FNDC7: variants seen among roughly 807,000 people sequenced by gnomAD.
The protein encoded by FNDC7 is fibronectin type III domain-containing protein 7.
In FNDC7, 66 loss-of-function variants were observed where a neutral mutation model predicts 74.2. That is an observed-to-expected ratio of 0.89 (90% CI 0.73 to 1.09). The LOEUF (loss-of-function observed/expected upper bound fraction) is 1.09, where lower values mean the gene tolerates loss of function less well. Among genes scored for constraint, FNDC7 ranks in the 50% least tolerant of loss-of-function variants. The probability of loss-of-function intolerance (pLI) is 0.00; values close to 1 mark genes in which losing one functional copy is unlikely to be tolerated. For missense variants in FNDC7, 829 were observed against 893.4 expected, an observed-to-expected ratio of 0.93 and a Z score of 0.92; for synonymous variants, 307 against 330.2, an observed-to-expected ratio of 0.93 and a Z score of 0.76.
chr1:108,737,802 C>T (rs988925028), intron 11 of FNDC7, among the ~76,000 whole-genome samples: 10 of 152,162 alleles, frequency 6.6e-5, no homozygotes, highest in African/African-American at 1.9e-4. Flanking sequence ...GCGGCTTCAT[C>T]CCTCACACTT....
intron 10 of FNDC7, among the ~76,000 whole-genome samples, chr1:108,733,785 C>T (rs558569208): frequency 1.2e-3 from 180 of 151,416 alleles, no homozygotes; most frequent in South Asian, 6.7e-3. Flanking sequence ...CAAGTAGCTG[C>T]GATTACAGGC....
chr1:108,714,910 G>A (rs1198396491), intron 2 of FNDC7, among the ~76,000 whole-genome samples: 1 of 152,002 alleles, frequency 6.6e-6, no homozygotes, highest in Non-Finnish European at 1.5e-5. Context: ...TAAATAAGTC[G>A]ACTTTGGGTG....
In FNDC7 at chr1:108,740,486, C is replaced by T. The variant is rs150794830; in HGVS notation, c.2171-1287C>T. On this transcript the variant is annotated intron_variant, in intron 11 of 12. Transcript: ENST00000370017. ...GGGATTACAGATGTGCGCCACCACACTTGGCTAATTTTTGTATTTTTAGCA... is the reference window on the plus strand; with the variant it reads ...GGGATTACAGATGTGCGCCACCACATTTGGCTAATTTTTGTATTTTTAGCA... 6.6e-3 allele frequency among the ~76,000 whole-genome samples: 1,004 copies of T among 152,228 alleles called. 8 individuals are homozygous for T. Among genetic ancestry groups the T allele is most frequent in the Non-Finnish European group, 0.011 (750 of 68,012 alleles).
chr1:108,725,621 T>G, intron 5 of FNDC7, 129 bp from the exon 6 acceptor site: 1 of 1,002,036 alleles, frequency 1.0e-6, no homozygotes. Context: ...TTGCATTTTG[T>G]GCACCAAATT....
intron 10 of FNDC7, among the ~76,000 whole-genome samples, chr1:108,736,965 T>TA (rs1431764517): frequency 1.5e-5 from 2 of 129,920 alleles, no homozygotes; most frequent in African/African-American, 6.7e-5. Flanking sequence ...TTGGCATTCT[T>TA]TTTTTTTTTT....
rs149122964 is a variant in FNDC7 at position 108,722,448 on chromosome 1, G to T, written c.712G>T (p.Asp238Tyr). The T allele has an allele frequency of 2.7e-5, 43 of 1,614,176 alleles. No individual in the cohort carries two copies. The highest frequency in any genetic ancestry group is 3.6e-5 in the Non-Finnish European group (43 of 1,180,030). ...CAATTATACTGTGATGGCTTTGAGCGACTCTTCAGAGCTGACCTGCAGTAC... is the reference window on the plus strand; with the variant it reads ...CAATTATACTGTGATGGCTTTGAGCTACTCTTCAGAGCTGACCTGCAGTAC... ...AFNYTVMALS[D>Y]SSELTCSTTF... The change falls in exon 5 of 13, where the codon GAC (aspartate) becomes TAC (tyrosine). Residue 238 changes from aspartate to tyrosine, a missense_variant. Transcript: ENST00000370017.
intron 10 of FNDC7, among the ~76,000 whole-genome samples, chr1:108,736,096 C>G (rs1661507897): frequency 6.6e-6 from 1 of 152,246 alleles, no homozygotes; most frequent in Non-Finnish European, 1.5e-5. Flanking sequence ...GCATAAGCCA[C>G]TGTGCCCAGC....
At position 108,742,060 on chromosome 1, in the gene FNDC7, G is replaced by A. The variant is rs1661661937; in HGVS notation, c.*173G>A. 1.9e-6 allele frequency: 1 copy of A among 535,658 alleles called. No individual in the cohort carries two copies. Among genetic ancestry groups the A allele is most frequent in the Non-Finnish European group, 3.3e-6 (1 of 300,428 alleles). The allele number at this position is 535,658 out of a possible 1,614,324, so 33.2% of individuals were successfully genotyped here. On this transcript the variant is annotated 3_prime_UTR_variant, in exon 13 of 13. Transcript: ENST00000370017. ...CTCTGCTTCCTGAGGGCAAGGTCAG[G>A]TGTGTCCTCACCTGCACAGCAGTTG...
At position 108,725,620 on chromosome 1, in the gene FNDC7, G is replaced by A. The variant is rs968484598; in HGVS notation, c.857-130G>A. ...CTTCCAGTGCACAGTTTTGCATTTT[G>A]TGCACCAAATTCAATCTGTCACAAA... On this transcript the variant is annotated intron_variant, in intron 5 of 12. Coordinates refer to ENST00000370017, the MANE Select transcript of FNDC7 (RefSeq NM_001144937.3). 22 of 996,340 alleles carry A rather than the reference G, an allele frequency of 2.2e-5. No homozygotes were observed. The African/African-American group carries it at 3.4e-4, about 15-fold the overall frequency. 61.7% of individuals were successfully genotyped at this position (996,340 alleles called of 1,614,324 possible).
At chr1:108,716,951 A>T (rs1403602529) in intron 2 of FNDC7, among the ~76,000 whole-genome samples, 3 of 152,100 alleles carry the variant, frequency 2.0e-5, no homozygotes, top group Non-Finnish European at 4.4e-5. Flanking sequence ...GCATCTATGG[A>T]ATTTTGTAAA....
chr1:108,719,996 G>T (rs980501853), intron 4 of FNDC7, among the ~76,000 whole-genome samples: 2 of 152,182 alleles, frequency 1.3e-5, no homozygotes, highest in African/African-American at 4.8e-5. Context: ...GCAGAATGTA[G>T]GGAGAAGAGA....
At chr1:108,729,873 C>A (rs1369563436) in intron 8 of FNDC7, among the ~76,000 whole-genome samples, 2 of 152,078 alleles carry the variant, frequency 1.3e-5, no homozygotes, top group Admixed American at 6.5e-5. Flanking sequence ...ATACTGCATA[C>A]GTGAAGATGT....
At chr1:108,731,814 G>A (rs1306466952) in intron 9 of FNDC7, among the ~76,000 whole-genome samples, 2 of 152,216 alleles carry the variant, frequency 1.3e-5, no homozygotes, top group African/African-American at 4.8e-5. Context: ...CTGCACGTAT[G>A]TCAGCTGGTA....
chr1:108,731,059 T>C, intron 9 of FNDC7, 131 bp downstream of exon 9: 3 of 1,109,312 alleles, frequency 2.7e-6, no homozygotes, highest in Non-Finnish European at 2.5e-6. Flanking sequence ...GATTACTTTC[T>C]AAAATGGTTA....
intron 8 of FNDC7, among the ~76,000 whole-genome samples, chr1:108,730,394 A>T (rs1410643172): frequency 6.8e-6 from 1 of 147,948 alleles, no homozygotes; most frequent in Non-Finnish European, 1.5e-5. Flanking sequence ...AGATGGGGGC[A>T]ACAAAGGATG....
chr1:108,716,298 T>G (rs190086678), intron 2 of FNDC7, among the ~76,000 whole-genome samples: 20 of 147,178 alleles, frequency 1.4e-4, no homozygotes, highest in Non-Finnish European at 7.5e-5. Context: ...CACAGGATCA[T>G]TAGCTTGGGG....
At chr1:108,719,453 C>A (rs566914637) in intron 4 of FNDC7, among the ~76,000 whole-genome samples, 1 of 152,290 alleles carries the variant, frequency 6.6e-6, no homozygotes, top group East Asian at 1.9e-4. Flanking sequence ...TGAGTGTGTG[C>A]CAACTTTGAG....
intron 10 of FNDC7, among the ~76,000 whole-genome samples, chr1:108,733,789 T>TACAG (rs1163473661): frequency 6.6e-6 from 1 of 152,106 alleles, no homozygotes; most frequent in Non-Finnish European, 1.5e-5. Context: ...TAGCTGCGAT[T>TACAG]ACAGGCACCT....
At chr1:108,718,668 G>A in intron 3 of FNDC7, 121 bp from the exon 4 acceptor site, 3 of 1,060,212 alleles carry the variant, frequency 2.8e-6, no homozygotes, top group Non-Finnish European at 4.0e-6. Context: ...ACTTTGTTGT[G>A]AATGCTCTTC....
Sources: gnomAD v4.1 joint callset for allele counts (sites outside exome capture counted in the v4.1 genomes callset) on GRCh38, gnomAD v4.1.1 for gene constraint, MANE v1.5 for transcripts, NCBI Gene and HGNC (gene_info 2026-07-23, HGNC 2026-07-21) for gene names.